BBS9: variants seen among roughly 807,000 people sequenced by gnomAD.
BBS9 encodes the protein protein PTHB1.
In BBS9, 89 loss-of-function variants were observed where a neutral mutation model predicts 117.7. The ratio of observed to expected loss-of-function variants is 0.76; its 90% confidence interval spans 0.64 to 0.90. The LOEUF (loss-of-function observed/expected upper bound fraction) is 0.90. Ranked by LOEUF, BBS9 falls within the 40% of genes least tolerant of loss-of-function variation. BBS9 has a pLI of 0.00. For synonymous variants in BBS9, 379 were observed against 370.9 expected, an observed-to-expected ratio of 1.02 and a Z score of -0.25; for missense variants, 982 against 1,042.2, an observed-to-expected ratio of 0.94 and a Z score of 0.80.
At chr7:33,414,139 C>T (rs767285707) in intron 19 of BBS9, among the ~76,000 whole-genome samples, 1 of 152,128 alleles carries the variant, frequency 6.6e-6, no homozygotes, top group Non-Finnish European at 1.5e-5. Context: ...CACATGAGTG[C>T]TCCTGTAGTG....
intron 9 of BBS9, among the ~76,000 whole-genome samples, chr7:33,282,015 A>G (rs185919896): frequency 5.8e-4 from 88 of 151,332 alleles, no homozygotes; most frequent in African/African-American, 2.0e-3. Context: ...GGATCTCCCT[A>G]TGTTGCCAGA....
chr7:33,388,996 A>T (rs76344091), intron 19 of BBS9, among the ~76,000 whole-genome samples: 78 of 152,326 alleles, frequency 5.1e-4, no homozygotes, highest in Middle Eastern at 6.8e-3. Flanking sequence ...AGTTGTAACA[A>T]ATAATGCAGA....
intron 19 of BBS9, among the ~76,000 whole-genome samples, chr7:33,459,142 C>T (rs1189446239): frequency 1.3e-5 from 2 of 152,060 alleles, no homozygotes; most frequent in Non-Finnish European, 2.9e-5. Flanking sequence ...GAAGACAAAA[C>T]GAACTCCTTT....
At chr7:33,177,646 T>C (rs1459789456) in intron 5 of BBS9, 55 bp downstream of exon 5, 24 of 1,259,574 alleles carry the variant, frequency 1.9e-5, no homozygotes, top group Non-Finnish European at 2.8e-5. Flanking sequence ...TTAGAATATT[T>C]GGTCATATAA....
intron 5 of BBS9, among the ~76,000 whole-genome samples, chr7:33,203,604 G>A (rs902694005): frequency 6.6e-6 from 1 of 152,190 alleles, no homozygotes. Flanking sequence ...TCATATAGGA[G>A]CCACAGGAGT....
At chr7:33,149,171 C>T (rs1252375600) in intron 2 of BBS9, among the ~76,000 whole-genome samples, 2 of 152,130 alleles carry the variant, frequency 1.3e-5, no homozygotes, top group Non-Finnish European at 1.5e-5. Flanking sequence ...TAGAGGCTTT[C>T]ATTGATGGAG....
chr7:33,383,973 T>A, intron 18 of BBS9, 135 bp downstream of exon 18: 7 of 928,938 alleles, frequency 7.5e-6, no homozygotes, highest in Non-Finnish European at 1.1e-5. Flanking sequence ...ATGGTGGATT[T>A]CGTGAATCCA....
At chr7:33,181,693 A>C (rs1207123823) in intron 5 of BBS9, among the ~76,000 whole-genome samples, 1 of 152,244 alleles carries the variant, frequency 6.6e-6, no homozygotes, top group African/African-American at 2.4e-5. Flanking sequence ...CTTTAACTTT[A>C]GCCGATATGT....
rs1402083567 is a variant in BBS9, at chr7:33,534,020, A to G, written c.2365A>G (p.Lys789Glu). 7 of 1,614,094 alleles carry G rather than the reference A, an allele frequency of 4.3e-6. No homozygotes were observed. The highest frequency in any genetic ancestry group is 1.7e-5 in the Admixed American group (1 of 60,002). The change falls in exon 21 of 23, where the codon AAG (lysine) becomes GAG (glutamate). Residue 789 changes from lysine to glutamate, a missense_variant. Coordinates refer to ENST00000242067, the MANE Select transcript of BBS9 (RefSeq NM_198428.3). ...GAAGACTTGCCTGTCGAAGAGTTCT[A>G]AGGAGCAGGCTTTGAACCTCAACAG... ...LLKTCLSKSS[K>E]EQALNLNSQL...
intron 18 of BBS9, among the ~76,000 whole-genome samples, chr7:33,386,746 G>A (rs1444411466): frequency 2.0e-5 from 3 of 151,754 alleles, no homozygotes; most frequent in Non-Finnish European, 4.4e-5. Flanking sequence ...CGCCCGCCTC[G>A]GCCTCCCAAA....
At chr7:33,482,584 A>T (rs1229780846) in intron 19 of BBS9, among the ~76,000 whole-genome samples, 1 of 152,166 alleles carries the variant, frequency 6.6e-6, no homozygotes, top group African/African-American at 2.4e-5. Context: ...TTATGCGGGT[A>T]TTTTCTCTCC....
chr7:33,171,099 A>G (rs1195901899), intron 4 of BBS9, among the ~76,000 whole-genome samples: 1 of 152,028 alleles, frequency 6.6e-6, no homozygotes, highest in East Asian at 1.9e-4. Flanking sequence ...ACTGGAAAAA[A>G]CTACTTTAAA....
chr7:33,193,498 C>T (rs1360996231), intron 5 of BBS9, among the ~76,000 whole-genome samples: 1 of 146,176 alleles, frequency 6.8e-6, no homozygotes. Flanking sequence ...AGCAATCAAG[C>T]TTAGCTTGGC....
chr7:33,168,808 T>A (rs1238540039), intron 4 of BBS9, among the ~76,000 whole-genome samples: 6 of 152,198 alleles, frequency 3.9e-5, no homozygotes, highest in Non-Finnish European at 8.8e-5. Context: ...TCTTGCTTTT[T>A]TTTATTTATT....
chr7:33,285,967 A>G (rs1802807045), intron 9 of BBS9, among the ~76,000 whole-genome samples: 2 of 152,002 alleles, frequency 1.3e-5, no homozygotes, highest in Admixed American at 1.3e-4. Context: ...ACAATATCAT[A>G]GTAATTACAG....
intron 21 of BBS9, among the ~76,000 whole-genome samples, chr7:33,600,095 T>A (rs1863563177): frequency 6.6e-6 from 1 of 152,232 alleles, no homozygotes; most frequent in African/African-American, 2.4e-5. Context: ...TTAACCCTAA[T>A]TCTACATATC....
intron 20 of BBS9, among the ~76,000 whole-genome samples, chr7:33,528,521 G>A (rs375986031): frequency 1.8e-4 from 27 of 151,862 alleles, no homozygotes; most frequent in African/African-American, 6.3e-4. Context: ...AAAAGTTTAA[G>A]GATATTACTT....
chr7:33,171,010 T>A (rs1466077016), intron 4 of BBS9, among the ~76,000 whole-genome samples: 1 of 149,500 alleles, frequency 6.7e-6, no homozygotes. Flanking sequence ...ATCAATATCA[T>A]GAAAATGGCC....
intron 9 of BBS9, among the ~76,000 whole-genome samples, chr7:33,280,911 G>GTTTTTTTTTTT (rs150736523): frequency 1.0e-4 from 8 of 79,410 alleles, no homozygotes; most frequent in African/African-American, 1.8e-4. Flanking sequence ...TGTCGTTTTT[G>GTTTTTTTTTTT]TTTTTTTTTT....
Sources: gnomAD v4.1 joint callset for allele counts (sites outside exome capture counted in the v4.1 genomes callset) on GRCh38, gnomAD v4.1.1 for gene constraint, MANE v1.5 for transcripts, NCBI Gene and HGNC (gene_info 2026-07-23, HGNC 2026-07-21) for gene names.